Variants in SPATA21 observed in about 807,000 individuals in gnomAD.
SPATA21 encodes the protein spermatogenesis associated 21.
A neutral mutation model predicts 54.8 loss-of-function variants in SPATA21; 47 were observed. That is an observed-to-expected ratio of 0.86 (90% confidence interval 0.68 to 1.09). The LOEUF (loss-of-function observed/expected upper bound fraction) is 1.09, where lower values mean the gene tolerates loss of function less well. Ranked by LOEUF, SPATA21 falls within the 50% of genes least tolerant of loss-of-function variation. The pLI, the probability that SPATA21 is intolerant of heterozygous loss-of-function variation, is 0.00. For synonymous variants in SPATA21, 245 were observed against 235.3 expected (o/e 1.04, Z -0.38); for missense variants, 599 against 596.4 (o/e 1.00, Z -0.05).
At position 16,422,165 on chromosome 1, in the gene SPATA21, G is replaced by T. The variant is rs966758132; in HGVS notation, c.35-194C>A. ...CTGCTGGCTGCACCATGTCTGCCTG[G>T]TGACTGGGGGTGGATTGATATCCGG... On this transcript the variant is annotated intron_variant, in intron 3 of 12. Transcript: ENST00000335496. The T allele has an allele frequency of 2.8e-6, 4 of 1,446,156 alleles. No individual in the cohort carries two copies. In the African/African-American group the frequency reaches 5.7e-5, roughly 21 times the overall value. The allele number at this position is 1,446,156 out of a possible 1,614,324, so 89.6% of individuals were successfully genotyped here. A position where few individuals can be genotyped will look rare whatever the true frequency, so the allele number is the denominator to read the frequency against.
intron 5 of SPATA21, chr1:16,410,773 C>A: frequency 2.8e-6 from 1 of 359,578 alleles, no homozygotes; most frequent in African/African-American, 2.2e-5. Flanking sequence ...TCTGGAACTC[C>A]TGACCTCAAG....
chr1:16,404,256 G>A (rs1250251586), intron 8 of SPATA21, among the ~76,000 whole-genome samples: 2 of 152,148 alleles, frequency 1.3e-5, no homozygotes, highest in African/African-American at 2.4e-5. Context: ...GATCACCTGA[G>A]GTCAGGAGTT....
chr1:16,411,345 C>T (rs904252587), intron 5 of SPATA21, among the ~76,000 whole-genome samples: 1 of 151,926 alleles, frequency 6.6e-6, no homozygotes, highest in African/African-American at 2.4e-5. Context: ...CACCACCAGG[C>T]CTGGCTAATA....
At chr1:16,423,980 T>C (rs915827929) in intron 3 of SPATA21, among the ~76,000 whole-genome samples, 5 of 151,354 alleles carry the variant, frequency 3.3e-5, no homozygotes, top group African/African-American at 1.2e-4. Flanking sequence ...GGGGATAGAC[T>C]AGTGGGAGGG....
At position 16,409,050 on chromosome 1, in the gene SPATA21, C is replaced by T. The variant is rs1003726372; in HGVS notation, c.673+68G>A. 3.2e-6 allele frequency: 5 copies of T among 1,543,940 alleles called. No individual in the cohort carries two copies. Among genetic ancestry groups the T allele is most frequent in the Non-Finnish European group, 2.7e-6 (3 of 1,118,362 alleles). On this transcript the variant is annotated intron_variant, in intron 7 of 12. Coordinates refer to ENST00000335496, the MANE Select transcript of SPATA21 (RefSeq NM_198546.1). This position sits in a 1 kb window ranked among gnomAD's most constrained non-coding sequence, Gnocchi z 4.1. ...CTGGAAAGCACCCCAGTCCGCCCTG[C>T]GCCTATAAACCCCCAAGGACCAAGG...
intron 12 of SPATA21, 102 bp downstream of exon 12, chr1:16,399,242 G>A (rs2085368059): frequency 3.0e-6 from 4 of 1,330,974 alleles, no homozygotes; most frequent in Non-Finnish European, 4.1e-6. Flanking sequence ...AGCCTCTCAG[G>A]TATGATCTCT....
rs141945811 is a variant in SPATA21, at chr1:16,409,601, C to A, written c.587G>T (p.Arg196Leu). 1 of 1,609,290 alleles carries A rather than the reference C, an allele frequency of 6.2e-7. No individual in the cohort carries two copies. The highest frequency in any genetic ancestry group is 8.5e-7 in the Non-Finnish European group (1 of 1,179,044). The part of the protein sequence containing the change: ...SERTLSYAKA[R>L]QEPEEQSLQK... ...GCGGGTGAGCAGCGGGGGCTCCTAC[C>A]GCGCCTTGGCGTAGCTCAGGGTTCT... is the stretch of plus-strand genomic sequence containing the variant. Residue 196 changes from arginine (R) to leucine (L), a missense_variant and splice_region_variant, in exon 6 of 13, where the codon CGG becomes CTG. Physicochemically the swap from Arg to Leu is moderately radical, Grantham distance 102 (BLOSUM62 -2). Transcript: ENST00000335496. The surrounding 1 kb of genome is among the most constrained non-coding windows in gnomAD (Gnocchi z 4.1).
At chr1:16,404,133 T>TC in intron 8 of SPATA21, 94 bp from the exon 9 acceptor site, 1 of 1,071,500 alleles carries the variant, frequency 9.3e-7, no homozygotes, top group Non-Finnish European at 1.4e-6. Context: ...ACTGTCTGGG[T>TC]CTGATTATCA....
At chr1:16,423,834 C>G (rs935996227) in intron 3 of SPATA21, among the ~76,000 whole-genome samples, 34 of 152,150 alleles carry the variant, frequency 2.2e-4, no homozygotes, top group African/African-American at 8.2e-4. Flanking sequence ...TGAGCCACCG[C>G]ACCCGACCTA....
rs759058624 is a variant in SPATA21, at chr1:16,404,985, TC to T, written c.792del (p.Met265Ter). On this transcript the variant is annotated frameshift_variant, in exon 8 of 13. Coordinates refer to ENST00000335496, the MANE Select transcript of SPATA21 (RefSeq NM_198546.1). LOFTEE classifies it high-confidence loss of function. ...CACTCACCATTGACATCAGCACTCA[TC>T]AGGGCGTCCTCCACCTGGGCCAGCG... ...SVTLAQVEDA[L>X]MSADVNGDGR... is the part of the protein sequence containing the mutation. 16 of 1,602,898 alleles carry T rather than the reference TC, an allele frequency of 1.0e-5. No individual in the cohort carries two copies. The highest frequency in any genetic ancestry group is 1.4e-5 in the Non-Finnish European group (16 of 1,176,888).
At chr1:16,435,049 A>G (rs966330676) in intron 1 of SPATA21, among the ~76,000 whole-genome samples, 2 of 151,884 alleles carry the variant, frequency 1.3e-5, no homozygotes, top group East Asian at 3.9e-4. Context: ...GTAGATGGGA[A>G]TCTCACTATG....
chr1:16,404,908 T>C, intron 8 of SPATA21, 59 bp downstream of exon 8: 1 of 1,496,222 alleles, frequency 6.7e-7, no homozygotes, highest in Non-Finnish European at 8.9e-7. Context: ...ACTGCACAGG[T>C]TTCAAGCCAG....
rs770860325 is a variant in SPATA21, at chr1:16,403,992, T to G, written c.859A>C (p.Thr287Pro). The change falls in exon 9 of 13, where the codon ACC becomes CCC. Residue 287 changes from threonine (T) to proline (P), a missense_variant. Coordinates refer to ENST00000335496, the MANE Select transcript of SPATA21 (RefSeq NM_198546.1). ...CCCACAGAGCAGAAGAAGCGCCTGG[T>G]GTCTGTCATCACAGCCAAGAAGTCT... is the stretch of plus-strand genomic sequence containing the variant. Reference protein sequence around the residue: ...FKDFLAVMTDTRRFFCSVEQN... With the variant: ...FKDFLAVMTDPRRFFCSVEQN... The G allele has an allele frequency of 6.4e-7, 1 of 1,569,414 alleles. No homozygotes were observed. The highest frequency in any genetic ancestry group is 1.4e-5 in the African/African-American group (1 of 73,824).
At chr1:16,400,533 T>C (rs2085411844) in intron 11 of SPATA21, 187 bp downstream of exon 11, 1 of 1,387,754 alleles carries the variant, frequency 7.2e-7, no homozygotes, top group Non-Finnish European at 9.3e-7. Context: ...GAGGCCATTG[T>C]CATAGGCCTG....
intron 3 of SPATA21, among the ~76,000 whole-genome samples, chr1:16,429,765 C>T (rs1317412563): frequency 4.6e-5 from 7 of 151,416 alleles, no homozygotes; most frequent in African/African-American, 1.7e-4. Context: ...TGAGCCACCG[C>T]GCCCGGCTGG....
At chr1:16,401,788 C>T (rs2085456188) in intron 10 of SPATA21, among the ~76,000 whole-genome samples, 1 of 152,180 alleles carries the variant, frequency 6.6e-6, no homozygotes, top group South Asian at 2.1e-4. Flanking sequence ...CTGTAGTTAC[C>T]CAATTATAGC....
At chr1:16,414,579 C>T (rs1170433398) in intron 5 of SPATA21, among the ~76,000 whole-genome samples, 2 of 152,044 alleles carry the variant, frequency 1.3e-5, no homozygotes, top group African/African-American at 4.8e-5. Context: ...AGAGTAAACG[C>T]TCAACAAACA....
At chr1:16,420,589 C>T (rs1047092971) in intron 5 of SPATA21, among the ~76,000 whole-genome samples, 4 of 151,886 alleles carry the variant, frequency 2.6e-5, no homozygotes, top group Non-Finnish European at 4.4e-5. Context: ...CTGATGGAAT[C>T]GTCCTGTAGT....
downstream of SPATA21, chr1:16,396,347 C>T (rs185216462): frequency 2.6e-5 from 4 of 152,322 alleles, no homozygotes; most frequent in African/African-American, 7.2e-5. Context: ...GCAGAACATT[C>T]TGAATAAAGT....
Sources: allele counts gnomAD v4.1 joint callset (sites outside exome capture counted in the v4.1 genomes callset), GRCh38; gene constraint gnomAD v4.1.1; non-coding constraint Gnocchi (gnomAD v3.1); transcripts MANE v1.5; gene names NCBI Gene and HGNC (gene_info 2026-07-23, HGNC 2026-07-21).